The following SND1 variants were observed in gnomAD, a reference collection of about 807,000 sequenced individuals.
SND1 encodes the protein staphylococcal nuclease domain-containing protein 1.
In SND1, 38 loss-of-function variants were observed where a neutral mutation model predicts 121.7. That is an observed-to-expected ratio of 0.31 (90% confidence interval 0.24 to 0.41). The LOEUF (loss-of-function observed/expected upper bound fraction) is 0.41, where lower values mean the gene tolerates loss of function less well. Ranked by LOEUF, SND1 falls within the 10% of genes least tolerant of loss-of-function variation. The pLI is 1.00. For missense variants in SND1, 868 were observed against 1,184.6 expected (o/e 0.73, Z 3.92); for synonymous variants, 401 against 447.4 (o/e 0.90, Z 1.31).
chr7:127,879,854 T>C (rs553233696), intron 12 of SND1, among the ~76,000 whole-genome samples: 27 of 152,222 alleles, frequency 1.8e-4, no homozygotes, highest in Admixed American at 5.9e-4. Context: ...TTGTGCTGAG[T>C]TTATAAGATT....
In SND1 at chr7:127,721,272, C is replaced by T. The variant is rs757272487; in HGVS notation, c.1039-15C>T. The T allele has an allele frequency of 3.1e-6, 5 of 1,598,102 alleles. No individual in the cohort carries two copies. The highest frequency in any genetic ancestry group is 4.5e-5 in the East Asian group (2 of 44,730). On this transcript the variant is annotated splice_polypyrimidine_tract_variant and intron_variant, in intron 9 of 23. Coordinates refer to ENST00000354725, the MANE Select transcript of SND1 (RefSeq NM_014390.4). ...CCATAGAAGCAGGTTTAAGCATGTT[C>T]CTTTTTGCTCACAGGTGATGCAGGT...
intron 13 of SND1, among the ~76,000 whole-genome samples, chr7:127,899,706 A>G (rs1800189314): frequency 6.6e-6 from 1 of 152,100 alleles, no homozygotes. Context: ...GTGATGTGGG[A>G]GTGGTGTGCA....
intron 10 of SND1, among the ~76,000 whole-genome samples, chr7:127,726,809 A>G (rs965259463): frequency 6.6e-6 from 1 of 152,224 alleles, no homozygotes; most frequent in Admixed American, 6.5e-5. Context: ...AAACAGGTAC[A>G]TAATTTACCC....
At position 127,945,230 on chromosome 7, in the gene SND1, C is replaced by T. The variant is rs1476816854; in HGVS notation, c.1669+15901C>T. Reference sequence around the variant, plus strand: ...TAGAAAGGCTGTGCGTGGTGGCTCACGCCTGTAATCCCAGCACTTTGGGAG... The same window carrying T: ...TAGAAAGGCTGTGCGTGGTGGCTCATGCCTGTAATCCCAGCACTTTGGGAG... On this transcript the variant is annotated intron_variant, in intron 15 of 23. Transcript: ENST00000354725. Among the ~76,000 whole-genome samples the T allele has an allele frequency of 2.6e-5, 4 of 152,218 alleles. No homozygotes were observed. The East Asian group carries it at 5.8e-4, about 22-fold the overall frequency.
intron 1 of SND1, among the ~76,000 whole-genome samples, chr7:127,656,512 A>G (rs1353216602): frequency 6.6e-6 from 1 of 151,940 alleles, no homozygotes; most frequent in Non-Finnish European, 1.5e-5. Context: ...TAGTAGAGTC[A>G]TAGTTTCACC....
At chr7:127,971,206 G>C (rs995901577) in intron 15 of SND1, among the ~76,000 whole-genome samples, 1 of 152,234 alleles carries the variant, frequency 6.6e-6, no homozygotes, top group Admixed American at 6.5e-5. Context: ...TGCTGTTGGG[G>C]TGGTCACCAA....
chr7:127,686,929 A>G (rs1450618285), intron 2 of SND1, 167 bp downstream of exon 2: 1 of 694,992 alleles, frequency 1.4e-6, no homozygotes, highest in Non-Finnish European at 2.3e-6. Flanking sequence ...TCTGTTGTTT[A>G]TATGTTTACT....
At chr7:127,835,302 C>T (rs1325582728) in intron 11 of SND1, among the ~76,000 whole-genome samples, 1 of 152,100 alleles carries the variant, frequency 6.6e-6, no homozygotes, top group Non-Finnish European at 1.5e-5. Context: ...AGAAGTATCT[C>T]CATGTAAAAT....
At chr7:127,877,433 G>T (rs1240407101) in intron 12 of SND1, among the ~76,000 whole-genome samples, 1 of 151,900 alleles carries the variant, frequency 6.6e-6, no homozygotes, top group Non-Finnish European at 1.5e-5. Context: ...GTTCTTTCCT[G>T]AGATCTCAGG....
intron 12 of SND1, among the ~76,000 whole-genome samples, chr7:127,847,443 T>TA (rs1382104133): frequency 6.6e-6 from 1 of 152,216 alleles, no homozygotes; most frequent in Non-Finnish European, 1.5e-5. Flanking sequence ...AGAGGCTTTT[T>TA]AAAAAACACT....
intron 10 of SND1, among the ~76,000 whole-genome samples, chr7:127,770,685 C>T (rs1019157993): frequency 1.3e-5 from 2 of 151,840 alleles, no homozygotes; most frequent in African/African-American, 2.4e-5. Flanking sequence ...TCTCAGTTTT[C>T]AATTCAGTGC....
chr7:127,820,120 A>G (rs2116602398), intron 11 of SND1, among the ~76,000 whole-genome samples: 1 of 152,332 alleles, frequency 6.6e-6, no homozygotes, highest in Non-Finnish European at 1.5e-5. Flanking sequence ...TTTATCTGAA[A>G]TGTTTAAGTG....
chr7:127,885,091 G>A (rs552861292), intron 12 of SND1, among the ~76,000 whole-genome samples: 3 of 151,938 alleles, frequency 2.0e-5, no homozygotes, highest in African/African-American at 7.2e-5. Context: ...CTTCCTATGG[G>A]GCTCTGACAC....
intron 16 of SND1, among the ~76,000 whole-genome samples, chr7:127,992,283 C>A (rs748128798): frequency 9.9e-5 from 15 of 152,170 alleles, no homozygotes; most frequent in Non-Finnish European, 1.3e-4. Flanking sequence ...TTTGTAGTTA[C>A]ACAATGCTGC....
intron 12 of SND1, among the ~76,000 whole-genome samples, chr7:127,863,006 A>G (rs1799407436): frequency 6.6e-6 from 1 of 152,168 alleles, no homozygotes; most frequent in Non-Finnish European, 1.5e-5. Context: ...AAGTCATATA[A>G]TTTTTTAGTA....
chr7:128,029,968 T>C lies in SND1; in HGVS notation c.1779+38912T>C. ...ATCTCAGGGAAGTGGTTCCCTGACATCTCCAGCTCCTCCAGCCCCACCAGG... is the reference window on the plus strand; with the variant it reads ...ATCTCAGGGAAGTGGTTCCCTGACACCTCCAGCTCCTCCAGCCCCACCAGG... On this transcript the variant is annotated intron_variant, in intron 16 of 23. Transcript: ENST00000354725. The surrounding 1 kb of genome is among the most constrained non-coding windows in gnomAD (Gnocchi z 4.2). 1 of 1,613,108 alleles carries C rather than the reference T, an allele frequency of 6.2e-7. No homozygotes were observed. Among genetic ancestry groups the C allele is most frequent in the Non-Finnish European group, 8.5e-7 (1 of 1,180,018 alleles).
chr7:127,827,180 A>G (rs1798658266), intron 11 of SND1, among the ~76,000 whole-genome samples: 2 of 152,194 alleles, frequency 1.3e-5, no homozygotes, highest in Non-Finnish European at 2.9e-5. Context: ...CTTACAGTGT[A>G]TGAGTGCTCT....
At chr7:127,730,774 G>T (rs954510551) in intron 10 of SND1, among the ~76,000 whole-genome samples, 1 of 152,200 alleles carries the variant, frequency 6.6e-6, no homozygotes, top group Non-Finnish European at 1.5e-5. Context: ...GTGTTAGATA[G>T]TGTCTCATTG....
chr7:127,985,084 T>TA (rs1802354343), intron 15 of SND1, among the ~76,000 whole-genome samples: 1 of 152,216 alleles, frequency 6.6e-6, no homozygotes, highest in East Asian at 1.9e-4. Context: ...TTGAAGCTGC[T>TA]ACAGCACCAC....
Sources: allele counts gnomAD v4.1 joint callset (sites outside exome capture counted in the v4.1 genomes callset), GRCh38; gene constraint gnomAD v4.1.1; non-coding constraint Gnocchi (gnomAD v3.1); transcripts MANE v1.5; gene names NCBI Gene and HGNC (gene_info 2026-07-23, HGNC 2026-07-21).